The following KCNQ1 variants were observed in gnomAD, a reference collection of about 807,000 sequenced individuals.
KCNQ1 encodes the protein potassium voltage-gated channel subfamily Q member 1, also known as potassium voltage-gated channel subfamily KQT member 1.
A neutral mutation model predicts 72.4 loss-of-function variants in KCNQ1; 49 were observed. The observed-to-expected ratio is 0.68, with a 90% CI of 0.54 to 0.86. KCNQ1 has a LOEUF of 0.86. Among genes scored for constraint, KCNQ1 ranks in the 40% least tolerant of loss-of-function variants. The pLI, the probability that KCNQ1 is intolerant of heterozygous loss-of-function variation, is 0.00. For synonymous variants in KCNQ1, 450 were observed against 412.6 expected (o/e 1.09, Z -1.10); for missense variants, 790 against 945.1 (o/e 0.84, Z 2.15).
intron 2 of KCNQ1, among the ~76,000 whole-genome samples, chr11:2,551,663 G>A (rs1190732260): frequency 3.9e-5 from 6 of 152,160 alleles, no homozygotes; most frequent in South Asian, 2.1e-4. Context: ...TTTTCCTTTC[G>A]AAGAAACTGC....
rs1389308463 is a variant in KCNQ1 at position 2,488,583 on chromosome 11, G to T, written c.387-39345G>T. On this transcript the variant is annotated intron_variant, in intron 1 of 15. Transcript: ENST00000155840. The surrounding 1 kb of genome is among the most constrained non-coding windows in gnomAD (Gnocchi z 5.1). ...TTTCTTTGTGATTTAGTTTTGGTAG[G>T]TTTCGTGTTTCTCAGAATTTGTCCA... is the stretch of plus-strand genomic sequence containing the variant. Among the ~76,000 whole-genome samples, 1 of 152,076 alleles carries T rather than the reference G, an allele frequency of 6.6e-6. No homozygotes were observed. Among genetic ancestry groups the T allele is most frequent in the Non-Finnish European group, 1.5e-5 (1 of 67,996 alleles).
intron 2 of KCNQ1, among the ~76,000 whole-genome samples, chr11:2,531,235 C>G (rs539851106): frequency 6.6e-6 from 1 of 150,804 alleles, no homozygotes; most frequent in Non-Finnish European, 1.5e-5. Context: ...GCTCCACATG[C>G]CCGTCTGCAG....
At chr11:2,454,919 A>G (rs1012675434) in intron 1 of KCNQ1, among the ~76,000 whole-genome samples, 2 of 152,134 alleles carry the variant, frequency 1.3e-5, no homozygotes, top group Non-Finnish European at 2.9e-5. Context: ...CCTAGTCAGA[A>G]AAATCAGGCA....
intron 2 of KCNQ1, among the ~76,000 whole-genome samples, chr11:2,548,423 T>C (rs915754611): frequency 1.3e-5 from 2 of 152,254 alleles, no homozygotes; most frequent in African/African-American, 2.4e-5. Context: ...TTCTGACTTA[T>C]TTGAAAGATT....
rs1280087093 is a variant in KCNQ1 at position 2,654,101 on chromosome 11, T to C, written c.1394-7860T>C. On this transcript the variant is annotated intron_variant, in intron 10 of 15. Transcript: ENST00000155840. This position sits in a 1 kb window ranked among gnomAD's most constrained non-coding sequence, Gnocchi z 6.4. ...ATCCATGTCCCTTACTTCTCGCCTC[T>C]GAGTGGAGACACAGGTGGTGGCGGG... 1.3e-5 allele frequency: 5 copies of C among 398,650 alleles called. No individual in the cohort carries two copies. The highest frequency in any genetic ancestry group is 4.1e-5 in the African/African-American group (2 of 48,648). The allele number at this position is 398,650 out of a possible 1,614,324, so 24.7% of individuals were successfully genotyped here.
rs942797077 is a variant in KCNQ1, at chr11:2,509,864, C to T, written c.387-18064C>T. Among the ~76,000 whole-genome samples, 3 of 152,180 alleles carry T rather than the reference C, an allele frequency of 2.0e-5. No individual in the cohort carries two copies. The highest frequency in any genetic ancestry group is 7.2e-5 in the African/African-American group (3 of 41,438). The stretch of plus-strand genomic sequence containing the variant: ...CCAATGGTGGCGTGATGCAGCCTGG[C>T]TTGGGAAATGCCCATGGAGGTGACA... On this transcript the variant is annotated intron_variant, in intron 1 of 15. Transcript: ENST00000155840. The surrounding 1 kb of genome is among the most constrained non-coding windows in gnomAD (Gnocchi z 6.3).
chr11:2,790,620 T>C (rs1019241150), intron 15 of KCNQ1, among the ~76,000 whole-genome samples: 4 of 152,224 alleles, frequency 2.6e-5, no homozygotes, highest in Non-Finnish European at 5.9e-5. Flanking sequence ...CTCTGCCCCC[T>C]ACACGCGATG....
rs1199832096 is a variant in KCNQ1 at position 2,651,005 on chromosome 11, T to C, written c.1394-10956T>C. On this transcript the variant is annotated intron_variant, in intron 10 of 15. Coordinates refer to ENST00000155840, the MANE Select transcript of KCNQ1 (RefSeq NM_000218.3). The surrounding 1 kb of genome is among the most constrained non-coding windows in gnomAD (Gnocchi z 6.1). The stretch of plus-strand genomic sequence containing the variant: ...TCAACTCTCTGGATTTGCCCACACC[T>C]AGTCTCTCCAGCTATCTCCCTGGTT... The C allele has an allele frequency of 5.0e-6, 2 of 398,732 alleles. No homozygotes were observed. Among genetic ancestry groups the C allele is most frequent in the Non-Finnish European group, 8.8e-6 (2 of 226,122 alleles). The allele number at this position is 398,732 out of a possible 1,614,324, so 24.7% of individuals were successfully genotyped here. A position where few individuals can be genotyped will look rare whatever the true frequency, so the allele number is the denominator to read the frequency against.
At chr11:2,539,206 C>T (rs949172742) in intron 2 of KCNQ1, among the ~76,000 whole-genome samples, 1 of 152,208 alleles carries the variant, frequency 6.6e-6, no homozygotes, top group Non-Finnish European at 1.5e-5. Flanking sequence ...CCAGGTGCGC[C>T]CCCTGAAGGA....
At chr11:2,571,514 G>A (rs535725251) in intron 4 of KCNQ1, 111 bp downstream of exon 4, 97 of 861,372 alleles carry the variant, frequency 1.1e-4, no homozygotes, top group Non-Finnish European at 1.2e-4. Context: ...AAGGTGCCTT[G>A]GTGCCCACTG....
chr11:2,612,222 TC>T lies in KCNQ1; in HGVS notation c.1393+23369del, dbSNP rs1029655687. On this transcript the variant is annotated intron_variant, in intron 10 of 15. Transcript: ENST00000155840. The surrounding 1 kb of genome is among the most constrained non-coding windows in gnomAD (Gnocchi z 5.5). ...TGCCTGAGCTCTGCCTCCTGTCTGA[TC>T]AGTGATGGCATTAGATTCTCACAGA... 122 of 398,650 alleles carry T rather than the reference TC, an allele frequency of 3.1e-4. No individual in the cohort carries two copies. Among genetic ancestry groups the T allele is most frequent in the African/African-American group, 2.5e-3 (120 of 48,746 alleles). The allele number at this position is 398,650 out of a possible 1,614,324, so 24.7% of individuals were successfully genotyped here. A position where few individuals can be genotyped will look rare whatever the true frequency, so the allele number is the denominator to read the frequency against.
chr11:2,514,416 G>T (rs2133621661), intron 1 of KCNQ1, among the ~76,000 whole-genome samples: 1 of 152,316 alleles, frequency 6.6e-6, no homozygotes, highest in South Asian at 2.1e-4. Flanking sequence ...TGTCCCAGTG[G>T]GGAAACCAAG....
Position 2,585,240 on chromosome 11 carries a change from A to G in KCNQ1, c.1061A>G (p.Lys354Arg), listed in dbSNP as rs199473404. The change falls in exon 8 of 16, where the codon AAG (lysine) becomes AGG (arginine). Residue 354 changes from lysine to arginine, a missense_variant. Coordinates refer to ENST00000155840, the MANE Select transcript of KCNQ1 (RefSeq NM_000218.3). ...AGILGSGFAL[K>R]VQQKQRQKHF... ...ATTCTTGGCTCGGGGTTTGCCCTGA[A>G]GGTGCAGCAGAAGCAGAGGCAGAAG... 1 of 1,614,068 alleles carries G rather than the reference A, an allele frequency of 6.2e-7. No homozygotes were observed. Among genetic ancestry groups the G allele is most frequent in the East Asian group, 2.2e-5 (1 of 44,878 alleles).
chr11:2,629,534 C>A, intron 10 of KCNQ1: 1 of 398,408 alleles, frequency 2.5e-6, no homozygotes, highest in Non-Finnish European at 4.4e-6. Flanking sequence ...GTCTCGACTT[C>A]ATTCTCTCAC....
At position 2,752,168 on chromosome 11, in the gene KCNQ1, G is replaced by T. The variant is rs761282941; in HGVS notation, c.1515-16676G>T. Among the ~76,000 whole-genome samples, 1 of 152,202 alleles carries T rather than the reference G, an allele frequency of 6.6e-6. No homozygotes were observed. The highest frequency in any genetic ancestry group is 1.5e-5 in the Non-Finnish European group (1 of 68,028). On this transcript the variant is annotated intron_variant, in intron 11 of 15. Coordinates refer to ENST00000155840, the MANE Select transcript of KCNQ1 (RefSeq NM_000218.3). This position sits in a 1 kb window ranked among gnomAD's most constrained non-coding sequence, Gnocchi z 5.2. ...GTTGACTTGAGTTGCATCGTGTTGT[G>T]TTGACTTGAGCTGAACTGTGCTGAG...
In KCNQ1 at chr11:2,651,988, C is replaced by T. The variant is rs1332843185; in HGVS notation, c.1394-9973C>T. On this transcript the variant is annotated intron_variant, in intron 10 of 15. Coordinates refer to ENST00000155840, the MANE Select transcript of KCNQ1 (RefSeq NM_000218.3). This position sits in a 1 kb window ranked among gnomAD's most constrained non-coding sequence, Gnocchi z 6.1. ...GCCAAGCTGAGTTGATTACTTTTGACATCAGTTGTTAACATAATTTTGATG... is the reference window on the plus strand; with the variant it reads ...GCCAAGCTGAGTTGATTACTTTTGATATCAGTTGTTAACATAATTTTGATG... The T allele has an allele frequency of 2.5e-6, 1 of 398,576 alleles. No homozygotes were observed. Among genetic ancestry groups the T allele is most frequent in the Non-Finnish European group, 4.4e-6 (1 of 226,108 alleles). The allele number at this position is 398,576 out of a possible 1,614,324, so 24.7% of individuals were successfully genotyped here.
chr11:2,798,359 A>C lies in KCNQ1; in HGVS notation c.1794+20322A>C, dbSNP rs115248085. On this transcript the variant is annotated intron_variant, in intron 15 of 15. Transcript: ENST00000155840. ...TTGCCAACCACCTGGGGTTGTGCCCAGTCCTCAGAACTCACCTGCCCATGG... is the reference window on the plus strand; with the variant it reads ...TTGCCAACCACCTGGGGTTGTGCCCCGTCCTCAGAACTCACCTGCCCATGG... Among the ~76,000 whole-genome samples the C allele has an allele frequency of 9.2e-3, 1,401 of 152,296 alleles. 17 individuals carry two copies. Among genetic ancestry groups the C allele is most frequent in the African/African-American group, 0.032 (1,334 of 41,572 alleles).
At chr11:2,681,245 C>A (rs1187488079) in intron 11 of KCNQ1, 2 of 398,422 alleles carry the variant, frequency 5.0e-6, no homozygotes, top group Non-Finnish European at 8.8e-6. Flanking sequence ...GGAGAGTATT[C>A]CTGCCTCCCC....
chr11:2,842,503 CTG>C (rs1848233845), intron 15 of KCNQ1, among the ~76,000 whole-genome samples: 1 of 152,208 alleles, frequency 6.6e-6, no homozygotes, highest in Admixed American at 6.5e-5. Context: ...GCCCAGGGGC[CTG>C]GGGGTGCAGG....
Sources: gnomAD v4.1 joint callset for allele counts (sites outside exome capture counted in the v4.1 genomes callset) on GRCh38, gnomAD v4.1.1 for gene constraint, Gnocchi (gnomAD v3.1) non-coding constraint, MANE v1.5 for transcripts, NCBI Gene and HGNC (gene_info 2026-07-23, HGNC 2026-07-21) for gene names.